Variants in MTMR3 observed in about 807,000 individuals in gnomAD.
MTMR3 encodes the protein phosphatidylinositol-3,5-bisphosphate 3-phosphatase MTMR3.
Under a neutral mutation model 132.4 loss-of-function variants are expected in MTMR3, and 32 were observed. The observed-to-expected ratio is 0.24, with a 90% CI of 0.18 to 0.32. The LOEUF (loss-of-function observed/expected upper bound fraction) is 0.32, where lower values mean the gene tolerates loss of function less well. Ranked by LOEUF, MTMR3 falls within the 10% of genes least tolerant of loss-of-function variation. The pLI is 1.00. For missense variants in MTMR3, 1,216 were observed against 1,489.6 expected (o/e 0.82, Z 3.02); for synonymous variants, 556 against 550.3 (o/e 1.01, Z -0.14).
intron 2 of MTMR3, among the ~76,000 whole-genome samples, chr22:29,958,472 C>T (rs1376469309): frequency 6.6e-6 from 1 of 152,132 alleles, no homozygotes; most frequent in Non-Finnish European, 1.5e-5. Flanking sequence ...CCAAGTTCAT[C>T]TCTTGTAGCC....
intron 1 of MTMR3, among the ~76,000 whole-genome samples, chr22:29,944,301 T>C (rs573493253): frequency 2.0e-5 from 3 of 151,952 alleles, no homozygotes; most frequent in Non-Finnish European, 4.4e-5. Context: ...CTAATACTTA[T>C]CTCCACTGCT....
rs749653763 is a variant in MTMR3, at chr22:30,019,616, C to G, written c.1957C>G (p.Leu653Val). ...EHRRSLELSSLAGPGEDPLSA... is the reference protein window; with the variant it reads ...EHRRSLELSSVAGPGEDPLSA... ...CCGGCGCTCACTAGAGCTGAGCAGC[C>G]TGGCTGGCCCTGGAGAGGATCCCCT... Residue 653 changes from leucine (L) to valine (V), a missense_variant, in exon 17 of 20, where the codon CTG becomes GTG. Physicochemically the swap from Leu to Val is conservative, Grantham distance 32 (BLOSUM62 1). Around this residue, in one of 7 missense-constraint regions of MTMR3, gnomAD observed 852 missense variants for 852.0 expected, o/e 1.00. Transcript: ENST00000401950. 5 of 1,614,192 alleles carry G rather than the reference C, an allele frequency of 3.1e-6. No individual in the cohort carries two copies. Among genetic ancestry groups the G allele is most frequent in the Non-Finnish European group, 4.2e-6 (5 of 1,180,050 alleles).
rs1283651421 is a variant in MTMR3, at chr22:30,029,852, C to T, written c.*4051C>T. 1 of 152,354 alleles carries T rather than the reference C, an allele frequency of 6.6e-6. No individual in the cohort carries two copies. Among genetic ancestry groups the T allele is most frequent in the East Asian group, 1.9e-4 (1 of 5,342 alleles). 9.4% of individuals were successfully genotyped at this position (152,354 alleles called of 1,614,324 possible). On this transcript the variant is annotated 3_prime_UTR_variant, in exon 20 of 20. Transcript: ENST00000401950. Reference sequence around the variant, plus strand: ...GTCCCAGCTGTTTAATTTCTAGTCACATTTTCCAGAAAGTTGTTCTAAGTT... The same window carrying T: ...GTCCCAGCTGTTTAATTTCTAGTCATATTTTCCAGAAAGTTGTTCTAAGTT...
At chr22:29,959,857 C>T (rs1253338650) in intron 2 of MTMR3, among the ~76,000 whole-genome samples, 1 of 151,086 alleles carries the variant, frequency 6.6e-6, no homozygotes. Context: ...CTCCTGGGCT[C>T]AAGTGATCCT....
intron 1 of MTMR3, among the ~76,000 whole-genome samples, chr22:29,937,861 A>G (rs193229574): frequency 1.4e-3 from 209 of 152,262 alleles, no homozygotes; most frequent in African/African-American, 5.0e-3. Context: ...GTTGGTTCCT[A>G]ATTTGGCATC....
At chr22:29,929,804 G>A (rs894521203) in intron 1 of MTMR3, among the ~76,000 whole-genome samples, 3 of 152,120 alleles carry the variant, frequency 2.0e-5, no homozygotes, top group Admixed American at 6.5e-5. Flanking sequence ...GAGCCACCGC[G>A]CCCGGCCTCA....
intron 1 of MTMR3, among the ~76,000 whole-genome samples, chr22:29,955,976 T>A (rs1031686203): frequency 5.3e-5 from 8 of 152,080 alleles, no homozygotes; most frequent in African/African-American, 1.9e-4. Context: ...GGTCTTGAAC[T>A]CTTGACCTCA....
chr22:29,897,441 TTTTATTTA>T (rs146436672), intron 1 of MTMR3, among the ~76,000 whole-genome samples: 2 of 151,924 alleles, frequency 1.3e-5, no homozygotes, highest in African/African-American at 2.4e-5. Flanking sequence ...TTAAGTATGT[TTTTATTTA>T]TTTATTTATT....
intron 1 of MTMR3, among the ~76,000 whole-genome samples, chr22:29,906,237 CATCCATCCGTCT>C (rs1287257126): frequency 2.3e-4 from 35 of 149,342 alleles, no homozygotes; most frequent in African/African-American, 8.5e-4. Flanking sequence ...CACATTTATC[CATCCATCCGTCT>C]GTCTGTCTGT....
chr22:30,002,230 T>C (rs940883604), intron 8 of MTMR3: 3 of 152,132 alleles, frequency 2.0e-5, no homozygotes, highest in African/African-American at 7.2e-5. Context: ...ATGGAAATTA[T>C]GGTTAATAGC....
intron 1 of MTMR3, among the ~76,000 whole-genome samples, chr22:29,922,907 G>A (rs998441712): frequency 2.6e-5 from 2 of 76,442 alleles, no homozygotes; most frequent in Non-Finnish European, 5.2e-5. Context: ...TTTTTTTTTT[G>A]AGACTGGGTC....
At chr22:29,888,862 C>A (rs770054220) in intron 1 of MTMR3, among the ~76,000 whole-genome samples, 1 of 150,370 alleles carries the variant, frequency 6.7e-6, no homozygotes, top group Non-Finnish European at 1.5e-5. Flanking sequence ...TAACCTCCGC[C>A]TCCTGGGTTC....
At chr22:30,008,309 C>G (rs1012496420) in intron 11 of MTMR3, 9 of 296,070 alleles carry the variant, frequency 3.0e-5, no homozygotes, top group Non-Finnish European at 5.7e-5. Context: ...AAGACCTGTT[C>G]ATGTTTGGAA....
At chr22:30,023,209 A>G (rs551858399) in intron 19 of MTMR3, 35 of 543,574 alleles carry the variant, frequency 6.4e-5, no homozygotes, top group African/African-American at 6.1e-4. Flanking sequence ...GGGTTAGGGT[A>G]GTGAGTTTAC....
chr22:29,930,915 G>T (rs997590206), intron 1 of MTMR3, among the ~76,000 whole-genome samples: 3 of 151,092 alleles, frequency 2.0e-5, no homozygotes, highest in African/African-American at 7.3e-5. Flanking sequence ...GTAGAGTTGG[G>T]TGGATCACTT....
At chr22:30,000,067 GTGCGTT>G (rs1187893569) in intron 8 of MTMR3, 7 of 152,282 alleles carry the variant, frequency 4.6e-5, no homozygotes, top group African/African-American at 1.7e-4. Context: ...AAATGTGTAA[GTGCGTT>G]GGTGGGGGAG....
In MTMR3 at chr22:30,028,013, G is replaced by A. The variant is rs1306822673; in HGVS notation, c.*2212G>A. 1 of 152,312 alleles carries A rather than the reference G, an allele frequency of 6.6e-6. No individual in the cohort carries two copies. The highest frequency in any genetic ancestry group is 1.9e-4 in the East Asian group (1 of 5,326). The allele number at this position is 152,312 out of a possible 1,614,324, so 9.4% of individuals were successfully genotyped here. A position where few individuals can be genotyped will look rare whatever the true frequency, so the allele number is the denominator to read the frequency against. On this transcript the variant is annotated 3_prime_UTR_variant, in exon 20 of 20. Coordinates refer to ENST00000401950, the MANE Select transcript of MTMR3 (RefSeq NM_021090.4). ...CCTTCCGACTCTAGACCTTGGCAAG[G>A]AGCCTCACCATGATGTTCAAGCACT...
rs921375480 is a variant in MTMR3, at chr22:29,910,995, C to T, written c.-138+27636C>T. On this transcript the variant is annotated intron_variant, in intron 1 of 19. Transcript: ENST00000401950. ...TTTTTTGAACATTAGGGATCTGCGT[C>T]CAACACTTAATTATACTAGTAAAAG... 3.3e-5 allele frequency among the ~76,000 whole-genome samples: 5 copies of T among 152,232 alleles called. No homozygotes were observed. The East Asian group carries it at 9.7e-4, about 29-fold the overall frequency.
intron 7 of MTMR3, chr22:29,996,286 C>T (rs935633734): frequency 6.6e-6 from 1 of 152,186 alleles, no homozygotes; most frequent in Non-Finnish European, 1.5e-5. Context: ...CCAAAGAACT[C>T]GAAATAACAG....
Sources: allele counts gnomAD v4.1 joint callset (sites outside exome capture counted in the v4.1 genomes callset), GRCh38; gene constraint gnomAD v4.1.1; regional missense constraint gnomAD v4.1.1; transcripts MANE v1.5; gene names NCBI Gene and HGNC (gene_info 2026-07-23, HGNC 2026-07-21).